Variants in ROBO1 observed in about 807,000 individuals in gnomAD.
The protein encoded by ROBO1 is roundabout homolog 1.
ROBO1 carries 149 observed loss-of-function variants against 195.9 expected under a neutral mutation model. The observed-to-expected ratio is 0.76, with a 90% CI of 0.67 to 0.87. ROBO1 has a LOEUF of 0.87. Ranked by LOEUF, ROBO1 falls within the 40% of genes least tolerant of loss-of-function variation. ROBO1 has a pLI of 0.00. For missense variants in ROBO1, 1,933 were observed against 2,068.3 expected, an observed-to-expected ratio of 0.93 and a Z score of 1.27; for synonymous variants, 816 against 733.2, an observed-to-expected ratio of 1.11 and a Z score of -1.82.
chr3:79,443,988 A>AG (rs1334852847), intron 2 of ROBO1, among the ~76,000 whole-genome samples: 1 of 152,086 alleles, frequency 6.6e-6, no homozygotes, highest in East Asian at 1.9e-4. Context: ...AAGAAAAAAA[A>AG]AAAAGAATTC....
chr3:79,521,348 G>A (rs893630409), intron 2 of ROBO1, among the ~76,000 whole-genome samples: 1 of 152,140 alleles, frequency 6.6e-6, no homozygotes, highest in African/African-American at 2.4e-5. Context: ...GAAACACAGG[G>A]ATTAATTTCC....
chr3:79,509,629 C>A (rs1024717881), intron 2 of ROBO1, among the ~76,000 whole-genome samples: 14 of 151,990 alleles, frequency 9.2e-5, no homozygotes, highest in African/African-American at 3.4e-4. Flanking sequence ...ATATATATTA[C>A]CAAATCATGC....
intron 1 of ROBO1, among the ~76,000 whole-genome samples, chr3:79,688,536 G>A (rs1947203731): frequency 1.3e-5 from 2 of 152,076 alleles, no homozygotes; most frequent in Non-Finnish European, 2.9e-5. Context: ...GATTTTTGAA[G>A]TCCTTCTTCC....
chr3:78,945,825 G>C (rs1309831767), intron 3 of ROBO1, among the ~76,000 whole-genome samples: 1 of 152,136 alleles, frequency 6.6e-6, no homozygotes, highest in Non-Finnish European at 1.5e-5. Flanking sequence ...AGTCCTTAAA[G>C]GACCTGATGG....
chr3:79,661,990 T>G (rs1021676984), intron 1 of ROBO1, among the ~76,000 whole-genome samples: 1 of 152,056 alleles, frequency 6.6e-6, no homozygotes, highest in Non-Finnish European at 1.5e-5. Context: ...ACTGTTAAAA[T>G]TTGAACAGTG....
chr3:79,158,085 T>C (rs1037666890), intron 2 of ROBO1, among the ~76,000 whole-genome samples: 4 of 151,790 alleles, frequency 2.6e-5, no homozygotes, highest in Non-Finnish European at 4.4e-5. Context: ...ACATCTCTTT[T>C]ACATTTCTAC....
intron 2 of ROBO1, among the ~76,000 whole-genome samples, chr3:79,129,092 T>C (rs2108582432): frequency 6.6e-6 from 1 of 152,342 alleles, no homozygotes; most frequent in East Asian, 1.9e-4. Flanking sequence ...TTTCCATTGG[T>C]GATTCAACTT....
intron 2 of ROBO1, among the ~76,000 whole-genome samples, chr3:79,571,454 C>T (rs1422168404): frequency 6.6e-6 from 1 of 151,684 alleles, no homozygotes; most frequent in Non-Finnish European, 1.5e-5. Context: ...CTTTTAAACT[C>T]AAAGGGGGGA....
At chr3:79,264,887 A>T (rs560964819) in intron 2 of ROBO1, among the ~76,000 whole-genome samples, 1 of 151,914 alleles carries the variant, frequency 6.6e-6, no homozygotes, top group African/African-American at 2.4e-5. Flanking sequence ...AGATAACATG[A>T]TCATAATTTC....
At chr3:78,991,389 T>C (rs1294060965) in intron 3 of ROBO1, among the ~76,000 whole-genome samples, 6 of 152,176 alleles carry the variant, frequency 3.9e-5, no homozygotes, top group Admixed American at 1.3e-4. Context: ...AGCAGGAACT[T>C]TGGAAGATGG....
intron 1 of ROBO1, among the ~76,000 whole-genome samples, chr3:79,686,644 G>A (rs569393410): frequency 6.6e-6 from 1 of 152,140 alleles, no homozygotes; most frequent in South Asian, 2.1e-4. Context: ...AAAATACCTA[G>A]GAATCAAACT....
intron 1 of ROBO1, among the ~76,000 whole-genome samples, chr3:79,605,135 C>G (rs575247339): frequency 3.7e-4 from 57 of 152,096 alleles, no homozygotes; most frequent in African/African-American, 1.3e-3. Flanking sequence ...ATGTTCAACG[C>G]AGTTTACAGC....
In ROBO1 at chr3:78,598,729, G is replaced by GA. The variant is rs554021428; in HGVS notation, c.*183dup. The GA allele has an allele frequency of 9.4e-6, 4 of 425,720 alleles. No individual in the cohort carries two copies. Among genetic ancestry groups the GA allele is most frequent in the African/African-American group, 2.0e-5 (1 of 49,316 alleles). The allele number at this position is 425,720 out of a possible 1,614,324, so 26.4% of individuals were successfully genotyped here. A position where few individuals can be genotyped will look rare whatever the true frequency, so the allele number is the denominator to read the frequency against. ...TAGGAAGGCTCTTTGTAGGGTTAGG[G>GA]ATCAAACAACAACAATAAAAACCCA... On this transcript the variant is annotated 3_prime_UTR_variant, in exon 31 of 31. Coordinates refer to ENST00000464233, the MANE Select transcript of ROBO1 (RefSeq NM_002941.4).
chr3:79,231,513 AC>A (rs2082321242), intron 2 of ROBO1, among the ~76,000 whole-genome samples: 1 of 152,140 alleles, frequency 6.6e-6, no homozygotes, highest in Non-Finnish European at 1.5e-5. Context: ...ACCGTGAGAT[AC>A]AATCTCACAC....
intron 2 of ROBO1, among the ~76,000 whole-genome samples, chr3:79,520,198 C>T (rs979277081): frequency 6.6e-6 from 1 of 151,406 alleles, no homozygotes; most frequent in Non-Finnish European, 1.5e-5. Flanking sequence ...CTTTGTGTAC[C>T]CCCAGGATGC....
At chr3:79,719,356 A>G (rs937083726) in intron 1 of ROBO1, among the ~76,000 whole-genome samples, 5 of 152,112 alleles carry the variant, frequency 3.3e-5, no homozygotes, top group African/African-American at 1.2e-4. Context: ...CCAATATAAT[A>G]GACTAAAATT....
chr3:79,635,091 C>A (rs1945459272), intron 1 of ROBO1, among the ~76,000 whole-genome samples: 3 of 152,154 alleles, frequency 2.0e-5, no homozygotes, highest in Non-Finnish European at 4.4e-5. Context: ...TCCATTTTCT[C>A]AATTTTTAGA....
chr3:79,312,430 G>T (rs1009182804), intron 2 of ROBO1, among the ~76,000 whole-genome samples: 2 of 152,154 alleles, frequency 1.3e-5, no homozygotes, highest in Admixed American at 6.6e-5. Context: ...ATCAAATTTT[G>T]AGATCAATTC....
At chr3:79,093,402 G>T (rs1207927648) in intron 3 of ROBO1, among the ~76,000 whole-genome samples, 1 of 152,050 alleles carries the variant, frequency 6.6e-6, no homozygotes, top group Non-Finnish European at 1.5e-5. Context: ...GTGCTGATTT[G>T]AAGATTTTAT....
Sources: allele counts gnomAD v4.1 joint callset (sites outside exome capture counted in the v4.1 genomes callset), GRCh38; gene constraint gnomAD v4.1.1; transcripts MANE v1.5; gene names NCBI Gene and HGNC (gene_info 2026-07-23, HGNC 2026-07-21).